Variants in ATRNL1 observed in about 807,000 individuals in gnomAD.
ATRNL1 encodes the protein attractin-like protein 1.
A neutral mutation model predicts 182.7 loss-of-function variants in ATRNL1; 95 were observed. The ratio of observed to expected loss-of-function variants is 0.52; its 90% CI spans 0.44 to 0.62. The LOEUF (loss-of-function observed/expected upper bound fraction) is 0.62, where lower values mean the gene tolerates loss of function less well. Ranked by LOEUF, ATRNL1 falls within the 20% of genes least tolerant of loss-of-function variation. The probability of loss-of-function intolerance (pLI) is 0.00; values close to 1 mark genes in which losing one functional copy is unlikely to be tolerated. For missense variants in ATRNL1, 1,471 were observed against 1,679.5 expected (o/e 0.88, Z 2.17); for synonymous variants, 576 against 568.3 (o/e 1.01, Z -0.19).
chr10:115,152,762 G>C (rs1452942908), intron 5 of ATRNL1, among the ~76,000 whole-genome samples: 7 of 152,268 alleles, frequency 4.6e-5, no homozygotes, highest in East Asian at 1.9e-4. Flanking sequence ...TTGAATAAGA[G>C]TGGTGAGAGA....
intron 27 of ATRNL1, among the ~76,000 whole-genome samples, chr10:115,798,993 A>AT (rs1386243354): frequency 6.6e-6 from 1 of 151,686 alleles, no homozygotes. Context: ...TGCCTGGCTA[A>AT]TTTTTTAATT....
intron 27 of ATRNL1, among the ~76,000 whole-genome samples, chr10:115,833,396 C>G (rs191956355): frequency 2.6e-5 from 4 of 152,236 alleles, no homozygotes; most frequent in African/African-American, 9.6e-5. Context: ...GTAGAACCAG[C>G]CTGCAAGAGT....
chr10:115,733,104 T>G (rs1326771907), intron 27 of ATRNL1, among the ~76,000 whole-genome samples: 1 of 151,920 alleles, frequency 6.6e-6, no homozygotes, highest in African/African-American at 2.4e-5. Flanking sequence ...AAAGTAACAG[T>G]TCTGTAGAAA....
At chr10:115,677,530 G>A (rs782266252) in intron 26 of ATRNL1, among the ~76,000 whole-genome samples, 13 of 152,066 alleles carry the variant, frequency 8.5e-5, no homozygotes, top group Non-Finnish European at 1.6e-4. Flanking sequence ...TCTCATGATA[G>A]TGAACAAGTC....
intron 28 of ATRNL1, among the ~76,000 whole-genome samples, chr10:115,891,368 A>G (rs563214057): frequency 3.3e-5 from 5 of 152,350 alleles, no homozygotes; most frequent in African/African-American, 1.2e-4. Flanking sequence ...CAAGAACAGA[A>G]CATCCAAAAA....
chr10:115,143,005 G>A (rs1554878414), intron 5 of ATRNL1, among the ~76,000 whole-genome samples: 1 of 152,188 alleles, frequency 6.6e-6, no homozygotes, highest in East Asian at 1.9e-4. Flanking sequence ...AGATAGTGAG[G>A]AGGCAGTTGG....
At chr10:115,880,839 A>G (rs1951810782) in intron 28 of ATRNL1, among the ~76,000 whole-genome samples, 1 of 152,158 alleles carries the variant, frequency 6.6e-6, no homozygotes, top group African/African-American at 2.4e-5. Context: ...GTAATCAATG[A>G]GGTTTGAAAG....
At chr10:115,139,151 A>G (rs1303043691) in intron 5 of ATRNL1, among the ~76,000 whole-genome samples, 1 of 152,178 alleles carries the variant, frequency 6.6e-6, no homozygotes, top group African/African-American at 2.4e-5. Flanking sequence ...CATTGTCCAT[A>G]TGATTATCAG....
chr10:115,686,436 G>C (rs1946221881), intron 26 of ATRNL1, among the ~76,000 whole-genome samples: 1 of 151,956 alleles, frequency 6.6e-6, no homozygotes, highest in Non-Finnish European at 1.5e-5. Context: ...TTGTCCTTAT[G>C]GGAAAATGAG....
chr10:115,276,181 T>G (rs913185493), intron 13 of ATRNL1, among the ~76,000 whole-genome samples: 27 of 152,100 alleles, frequency 1.8e-4, no homozygotes, highest in African/African-American at 6.5e-4. Context: ...CTCTTGTGTC[T>G]TCAACCCCTT....
At chr10:115,324,090 T>C (rs1450426580) in intron 18 of ATRNL1, among the ~76,000 whole-genome samples, 2 of 152,206 alleles carry the variant, frequency 1.3e-5, no homozygotes, top group African/African-American at 2.4e-5. Flanking sequence ...TTTTATCTTT[T>C]ATGTGTATTC....
At chr10:115,717,762 G>A (rs540306075) in intron 26 of ATRNL1, among the ~76,000 whole-genome samples, 2 of 151,828 alleles carry the variant, frequency 1.3e-5, no homozygotes, top group South Asian at 2.1e-4. Context: ...ATGTCAGTTG[G>A]CCAGTATGGT....
chr10:115,212,494 A>C (rs539157680), intron 8 of ATRNL1, among the ~76,000 whole-genome samples: 94 of 152,052 alleles, frequency 6.2e-4, no homozygotes, highest in Non-Finnish European at 1.1e-3. Flanking sequence ...TCCCATTACT[A>C]GGTATATATC....
intron 24 of ATRNL1, among the ~76,000 whole-genome samples, chr10:115,484,868 G>A (rs906071773): frequency 4.6e-5 from 7 of 151,926 alleles, no homozygotes; most frequent in African/African-American, 1.7e-4. Context: ...AAGAAGAAAT[G>A]TAAGATGTTT....
At chr10:115,789,014 A>G (rs1949463674) in intron 27 of ATRNL1, among the ~76,000 whole-genome samples, 1 of 152,242 alleles carries the variant, frequency 6.6e-6, no homozygotes, top group Non-Finnish European at 1.5e-5. Flanking sequence ...CACACGTTAT[A>G]AAATAAAGGA....
intron 19 of ATRNL1, among the ~76,000 whole-genome samples, chr10:115,365,776 G>A (rs1368570603): frequency 6.6e-6 from 1 of 152,040 alleles, no homozygotes; most frequent in Non-Finnish European, 1.5e-5. Context: ...ATTTCGTTAT[G>A]TATCCAGTAG....
At chr10:115,181,954 G>C (rs1042688526) in intron 8 of ATRNL1, among the ~76,000 whole-genome samples, 1 of 151,620 alleles carries the variant, frequency 6.6e-6, no homozygotes, top group Non-Finnish European at 1.5e-5. Flanking sequence ...AGAATGCAAA[G>C]AGACAGATGG....
chr10:115,235,003 G>T (rs1476278497), intron 9 of ATRNL1, among the ~76,000 whole-genome samples: 1 of 151,890 alleles, frequency 6.6e-6, no homozygotes, highest in African/African-American at 2.4e-5. Flanking sequence ...ATCTTTTCCT[G>T]ATCCAGGATT....
intron 19 of ATRNL1, among the ~76,000 whole-genome samples, chr10:115,390,319 G>A (rs1843955012): frequency 6.6e-6 from 1 of 152,098 alleles, no homozygotes; most frequent in Admixed American, 6.6e-5. Context: ...ACAGTTTTGG[G>A]ACTTACCTTT....
Sources: gnomAD v4.1 joint callset for allele counts (sites outside exome capture counted in the v4.1 genomes callset) on GRCh38, gnomAD v4.1.1 for gene constraint, MANE v1.5 for transcripts, NCBI Gene and HGNC (gene_info 2026-07-23, HGNC 2026-07-21) for gene names.